NEMF: variants seen among roughly 807,000 people sequenced by gnomAD.
NEMF encodes nuclear export mediator factor.
NEMF carries 89 observed loss-of-function variants against 162.2 expected under a neutral mutation model. The ratio of observed to expected loss-of-function variants is 0.55; its 90% CI spans 0.46 to 0.65. The LOEUF is 0.65. NEMF is among the 30% of genes least tolerant of loss of function. The pLI, the probability that NEMF is intolerant of heterozygous loss-of-function variation, is 0.00. For missense variants in NEMF, 1,133 were observed against 1,261.9 expected, an observed-to-expected ratio of 0.90 and a Z score of 1.55; for synonymous variants, 421 against 404.5, an observed-to-expected ratio of 1.04 and a Z score of -0.49.
chr14:49,814,710 C>G lies in NEMF; in HGVS notation c.1681+44G>C, dbSNP rs1392890285. 3 of 1,068,602 alleles carry G rather than the reference C, an allele frequency of 2.8e-6. No homozygotes were observed. In the South Asian group the frequency reaches 4.2e-5, roughly 15 times the overall value. 66.2% of individuals were successfully genotyped at this position (1,068,602 alleles called of 1,614,324 possible). On this transcript the variant is annotated intron_variant, in intron 17 of 32. Coordinates refer to ENST00000298310, the MANE Select transcript of NEMF (RefSeq NM_004713.6). ...ATGCCTAATATTGAGATAACTGATCCAAACATTCAAGAGAAAATTTTTCCG... is the reference window on the plus strand; with the variant it reads ...ATGCCTAATATTGAGATAACTGATCGAAACATTCAAGAGAAAATTTTTCCG...
rs1030465495 is a variant in NEMF, at chr14:49,796,042, A to G, written c.2466-98T>C. On this transcript the variant is annotated intron_variant, in intron 25 of 32. Transcript: ENST00000298310. ...GGGAAGGCACATATACAGTATATAAATGGTCATGGCTTCTGCTTCACTTGA... is the reference window on the plus strand; with the variant it reads ...GGGAAGGCACATATACAGTATATAAGTGGTCATGGCTTCTGCTTCACTTGA... 8.8e-6 allele frequency: 7 copies of G among 794,798 alleles called. No homozygotes were observed. In the Admixed American group the frequency reaches 1.0e-4, roughly 12 times the overall value. The allele number at this position is 794,798 out of a possible 1,614,324, so 49.2% of individuals were successfully genotyped here. A position where few individuals can be genotyped will look rare whatever the true frequency, so the allele number is the denominator to read the frequency against.
intron 18 of NEMF, among the ~76,000 whole-genome samples, chr14:49,810,528 G>T (rs1448539301): frequency 6.6e-6 from 1 of 152,114 alleles, no homozygotes; most frequent in African/African-American, 2.4e-5. Context: ...CCTCATGCCA[G>T]TACCAGTGTC....
intron 32 of NEMF, 46 bp downstream of exon 32, chr14:49,784,879 A>C: frequency 6.6e-7 from 1 of 1,522,038 alleles, no homozygotes; most frequent in Non-Finnish European, 9.1e-7. Context: ...AACATTTTAA[A>C]TTGTACTGTC....
intron 28 of NEMF, 85 bp from the exon 29 acceptor site, chr14:49,786,835 AGT>A: frequency 4.0e-6 from 5 of 1,264,966 alleles, no homozygotes; most frequent in Non-Finnish European, 4.5e-6. Flanking sequence ...AGAAAGAAAC[AGT>A]GATACAACCA....
At chr14:49,793,126 C>T (rs551018831) in intron 26 of NEMF, among the ~76,000 whole-genome samples, 11 of 152,224 alleles carry the variant, frequency 7.2e-5, no homozygotes, top group Non-Finnish European at 1.2e-4. Context: ...AGAAACAGTT[C>T]CTGTAATGGA....
chr14:49,819,070 G>A (rs1274693592), intron 16 of NEMF, among the ~76,000 whole-genome samples: 3 of 152,062 alleles, frequency 2.0e-5, no homozygotes, highest in Non-Finnish European at 4.4e-5. Context: ...TGTAGTCCCA[G>A]CTACTCAGCA....
intron 23 of NEMF, 137 bp downstream of exon 23, chr14:49,800,283 C>T (rs1283053451): frequency 1.3e-6 from 1 of 747,878 alleles, no homozygotes; most frequent in Admixed American, 3.0e-5. Flanking sequence ...CAGAGAGACC[C>T]AATCAAATGT....
At chr14:49,808,543 A>G (rs954137806) in intron 18 of NEMF, among the ~76,000 whole-genome samples, 2 of 152,150 alleles carry the variant, frequency 1.3e-5, no homozygotes, top group African/African-American at 4.8e-5. Flanking sequence ...TTTTGGTATC[A>G]TATCTAAGAA....
At chr14:49,799,797 T>C (rs576121906) in intron 23 of NEMF, 119 bp from the exon 24 acceptor site, 28 of 818,356 alleles carry the variant, frequency 3.4e-5, no homozygotes, top group Non-Finnish European at 5.1e-5. Flanking sequence ...TTTTCAAATT[T>C]GGTGAAGTGA....
chr14:49,791,031 C>T (rs1033096302), intron 26 of NEMF, among the ~76,000 whole-genome samples: 12 of 152,084 alleles, frequency 7.9e-5, no homozygotes, highest in South Asian at 6.2e-4. Context: ...ATATTCTTAG[C>T]AAGTGGCAAG....
intron 6 of NEMF, among the ~76,000 whole-genome samples, chr14:49,836,609 G>A (rs952935906): frequency 7.2e-5 from 11 of 151,938 alleles, no homozygotes; most frequent in Non-Finnish European, 8.8e-5. Context: ...TCGTGGCACC[G>A]CACTTCAGCC....
intron 18 of NEMF, among the ~76,000 whole-genome samples, chr14:49,807,630 C>G (rs1214439266): frequency 7.2e-6 from 1 of 138,384 alleles, no homozygotes; most frequent in Non-Finnish European, 1.5e-5. Flanking sequence ...GAGTCTCTCT[C>G]TTTTCACCCC....
Position 49,831,277 on chromosome 14 carries a change from ATG to A in NEMF, c.945+20_945+21del, listed in dbSNP as rs752050871. On this transcript the variant is annotated intron_variant, in intron 11 of 32. Coordinates refer to ENST00000298310, the MANE Select transcript of NEMF (RefSeq NM_004713.6). ...GCCGCTAAAGACTAGCTGGTTTAAT[ATG>A]TGTTTTTAATAATACATACCTGTTG... 2.2e-6 allele frequency: 3 copies of A among 1,351,268 alleles called. No individual in the cohort carries two copies. Among genetic ancestry groups the A allele is most frequent in the East Asian group, 4.6e-5 (2 of 43,736 alleles). The allele number at this position is 1,351,268 out of a possible 1,614,324, so 83.7% of individuals were successfully genotyped here.
intron 11 of NEMF, among the ~76,000 whole-genome samples, chr14:49,830,317 C>G (rs1455237628): frequency 6.6e-6 from 1 of 152,138 alleles, no homozygotes; most frequent in Non-Finnish European, 1.5e-5. Flanking sequence ...ATCTGACTGG[C>G]CTACCTGCTT....
At chr14:49,796,796 T>G (rs1185393214) in intron 25 of NEMF, among the ~76,000 whole-genome samples, 1 of 152,212 alleles carries the variant, frequency 6.6e-6, no homozygotes, top group Admixed American at 6.5e-5. Flanking sequence ...TATCTACCAT[T>G]TAATACACAA....
In NEMF at chr14:49,782,968, T is replaced by C. The variant is rs1889979677; in HGVS notation, c.*1668A>G. 6 of 1,609,328 alleles carry C rather than the reference T, an allele frequency of 3.7e-6. No homozygotes were observed. The Admixed American group carries it at 1.0e-4, about 27-fold the overall frequency. ...CTGGATCTTAAGGCTTCATAAATAA[T>C]GCCTATGATCACCTTGCATGGACAG... On this transcript the variant is annotated 3_prime_UTR_variant, in exon 33 of 33. Transcript: ENST00000298310.
chr14:49,851,897 G>T lies in NEMF; in HGVS notation c.60-22C>A, dbSNP rs1316273025. On this transcript the variant is annotated intron_variant, in intron 1 of 32. Transcript: ENST00000298310. ...CAAGCTGCAAAGATAAAGGAAACATGTAACATGTTACACTATTGTCTGAAA... is the reference window on the plus strand; with the variant it reads ...CAAGCTGCAAAGATAAAGGAAACATTTAACATGTTACACTATTGTCTGAAA... The T allele has an allele frequency of 4.2e-6, 6 of 1,429,872 alleles. No homozygotes were observed. The East Asian group carries it at 9.1e-5, about 22-fold the overall frequency. 88.6% of individuals were successfully genotyped at this position (1,429,872 alleles called of 1,614,324 possible).
intron 11 of NEMF, 91 bp from the exon 12 acceptor site, chr14:49,829,517 C>T (rs1892535171): frequency 9.7e-7 from 1 of 1,035,614 alleles, no homozygotes; most frequent in African/African-American, 1.6e-5. Flanking sequence ...TATCCTGACC[C>T]CATCTATGCT....
At chr14:49,846,382 T>A (rs1893503423) in intron 3 of NEMF, 117 bp from the exon 4 acceptor site, 1 of 915,290 alleles carries the variant, frequency 1.1e-6, no homozygotes, top group East Asian at 2.5e-5. Flanking sequence ...ACGTTGTGAA[T>A]AACAGTATAG....
Sources: gnomAD v4.1 joint callset for allele counts (sites outside exome capture counted in the v4.1 genomes callset) on GRCh38, gnomAD v4.1.1 for gene constraint, MANE v1.5 for transcripts, NCBI Gene and HGNC (gene_info 2026-07-23, HGNC 2026-07-21) for gene names.